PCDHA9: variants seen among roughly 807,000 people sequenced by gnomAD.
The protein encoded by PCDHA9 is protocadherin alpha-9.
Under a neutral mutation model 62.0 loss-of-function variants are expected in PCDHA9, and 62 were observed. The ratio of observed to expected loss-of-function variants is 1.00; its 90% CI spans 0.81 to 1.23. The LOEUF is 1.23. Among genes scored for constraint, PCDHA9 ranks in the 50% most tolerant of loss-of-function variants. The pLI is 0.00. For synonymous variants in PCDHA9, 557 were observed against 567.6 expected, an observed-to-expected ratio of 0.98 and a Z score of 0.27; for missense variants, 1,205 against 1,249.8, an observed-to-expected ratio of 0.96 and a Z score of 0.54.
chr5:140,874,018 G>A (rs1033387450), intron 1 of PCDHA9, among the ~76,000 whole-genome samples: 2 of 152,114 alleles, frequency 1.3e-5, no homozygotes, highest in Admixed American at 1.3e-4. Context: ...TTTTGAAAAT[G>A]AAAAATAGGA....
chr5:140,879,101 A>G (rs2153365508), intron 1 of PCDHA9, among the ~76,000 whole-genome samples: 1 of 152,330 alleles, frequency 6.6e-6, no homozygotes, highest in East Asian at 1.9e-4. Context: ...TGCACAGTAT[A>G]TGGTGTAATT....
chr5:140,942,796 G>C (rs2093370095), intron 1 of PCDHA9, among the ~76,000 whole-genome samples: 1 of 152,002 alleles, frequency 6.6e-6, no homozygotes, highest in Non-Finnish European at 1.5e-5. Flanking sequence ...ACAAAGGCAT[G>C]TTTTCCACAA....
Position 140,848,677 on chromosome 5 carries a change from C to T in PCDHA9, c.182C>T (p.Pro61Leu). 1 of 1,592,256 alleles carries T rather than the reference C, an allele frequency of 6.3e-7. No individual in the cohort carries two copies. Among genetic ancestry groups the T allele is most frequent in the Non-Finnish European group, 8.6e-7 (1 of 1,163,352 alleles). The change falls in exon 1 of 4, where the codon CCG becomes CTG. Residue 61 changes from proline (P) to leucine (L), a missense_variant. Around this residue, in one of 3 missense-constraint regions of PCDHA9, gnomAD observed 208 missense variants for 213.2 expected, o/e 0.98. Transcript: ENST00000532602. ...DLGLELAELV[P>L]RLFQLDSKGR... ...GGGCTGGAGCTGGCGGAGCTGGTGC[C>T]GCGCCTGTTCCAGTTGGATTCCAAA... is the stretch of plus-strand genomic sequence containing the variant.
rs2150419460 is a variant in PCDHA9 at position 140,848,757 on chromosome 5, T to C, written c.262T>C (p.Ser88Pro). 2.5e-6 allele frequency: 4 copies of C among 1,593,378 alleles called. No individual in the cohort carries two copies. In the South Asian group the frequency reaches 4.4e-5, roughly 18 times the overall value. ...NLQNGILFVN[S>P]RIDREELCGR... Reference sequence around the variant, plus strand: ...GCAGAATGGCATTTTGTTTGTGAATTCTCGGATCGACCGCGAGGAGCTGTG... The same window carrying C: ...GCAGAATGGCATTTTGTTTGTGAATCCTCGGATCGACCGCGAGGAGCTGTG... Residue 88 changes from serine (S) to proline (P), a missense_variant, in exon 1 of 4, where the codon TCT becomes CCT. Ser to Pro is a moderately conservative substitution (Grantham distance 74). Transcript: ENST00000532602.
intron 1 of PCDHA9, among the ~76,000 whole-genome samples, chr5:140,946,661 G>C (rs2094005923): frequency 7.6e-6 from 1 of 132,422 alleles, no homozygotes; most frequent in Non-Finnish European, 1.6e-5. Flanking sequence ...CCATTAGAAA[G>C]AATGAAATCC....
chr5:140,981,670 C>T (rs1389601276), intron 2 of PCDHA9, among the ~76,000 whole-genome samples: 8 of 152,070 alleles, frequency 5.3e-5, no homozygotes, highest in Non-Finnish European at 1.0e-4. Context: ...TCCTTCCTTT[C>T]TTCCTTCCTC....
At chr5:140,908,019 G>A (rs1031093375) in intron 1 of PCDHA9, among the ~76,000 whole-genome samples, 1 of 152,122 alleles carries the variant, frequency 6.6e-6, no homozygotes, top group Non-Finnish European at 1.5e-5. Context: ...ACTGGCTACA[G>A]CCCATTAATC....
intron 1 of PCDHA9, among the ~76,000 whole-genome samples, chr5:140,900,556 C>T (rs757442954): frequency 4.6e-5 from 7 of 152,168 alleles, no homozygotes; most frequent in Non-Finnish European, 5.9e-5. Flanking sequence ...GGATTACAGG[C>T]GTGAGCCACG....
At chr5:140,868,806 G>C (rs374832846) in intron 1 of PCDHA9, 8 of 356,954 alleles carry the variant, frequency 2.2e-5, no homozygotes, top group Non-Finnish European at 4.0e-5. Flanking sequence ...AAATAAGCAC[G>C]TTGGAAATAT....
chr5:140,849,258 G>A lies in PCDHA9; in HGVS notation c.763G>A (p.Val255Ile), dbSNP rs2150433835. 190 of 1,110,896 alleles carry A rather than the reference G, an allele frequency of 1.7e-4. 6 individuals carry two copies. Among genetic ancestry groups the A allele is most frequent in the Admixed American group, 3.3e-4 (12 of 36,734 alleles). 68.8% of individuals were successfully genotyped at this position (1,110,896 alleles called of 1,614,324 possible). A position where few individuals can be genotyped will look rare whatever the true frequency, so the allele number is the denominator to read the frequency against. Reference sequence around the variant, plus strand: ...GTATACGGTGAAATTACCAGAAAACGTTTCTATCGGAACGCTGGTGATTCA... The same window carrying A: ...GTATACGGTGAAATTACCAGAAAACATTTCTATCGGAACGCTGGTGATTCA... ...TLYTVKLPEN[V>I]SIGTLVIHPN... The change falls in exon 1 of 4, where the codon GTT becomes ATT. Residue 255 changes from valine to isoleucine, a missense_variant. Physicochemically the swap from Val to Ile is conservative, Grantham distance 29. Transcript: ENST00000532602.
intron 3 of PCDHA9, among the ~76,000 whole-genome samples, chr5:140,996,441 C>G (rs2097726719): frequency 6.6e-6 from 1 of 152,146 alleles, no homozygotes; most frequent in Non-Finnish European, 1.5e-5. Context: ...TAGTCAGTGT[C>G]AAGTTGTGGT....
chr5:140,856,991 T>C, intron 1 of PCDHA9: 1 of 1,595,770 alleles, frequency 6.3e-7, no homozygotes, highest in Non-Finnish European at 8.6e-7. Flanking sequence ...CAGTAACACT[T>C]ATGAAATTCA....
chr5:140,972,499 G>A (rs1398741603), intron 1 of PCDHA9, among the ~76,000 whole-genome samples: 3 of 151,888 alleles, frequency 2.0e-5, no homozygotes, highest in South Asian at 4.2e-4. Flanking sequence ...TAATCTGTTG[G>A]TAGATTTTAC....
At chr5:141,001,723 A>T (rs936645287) in intron 3 of PCDHA9, among the ~76,000 whole-genome samples, 1 of 152,168 alleles carries the variant, frequency 6.6e-6, no homozygotes, top group Non-Finnish European at 1.5e-5. Flanking sequence ...GGAGCTTGAG[A>T]TATTTTACAA....
At chr5:140,913,166 G>C (rs1357125827) in intron 1 of PCDHA9, among the ~76,000 whole-genome samples, 2 of 152,160 alleles carry the variant, frequency 1.3e-5, no homozygotes, top group African/African-American at 4.8e-5. Flanking sequence ...ATTGGTATTA[G>C]TTCTTCTTTA....
intron 1 of PCDHA9, chr5:140,856,228 G>A: frequency 6.3e-7 from 1 of 1,598,094 alleles, no homozygotes; most frequent in Middle Eastern, 1.7e-4. Context: ...AGCTGGTGCA[G>A]CGCCTGTTCC....
intron 3 of PCDHA9, among the ~76,000 whole-genome samples, chr5:140,995,529 C>T (rs1191657600): frequency 6.6e-6 from 1 of 152,078 alleles, no homozygotes. Context: ...GAAATCAAAC[C>T]TCAAATAAGG....
intron 1 of PCDHA9, chr5:140,876,650 T>C (rs782068706): frequency 3.1e-6 from 5 of 1,614,162 alleles, no homozygotes; most frequent in South Asian, 2.2e-5. Context: ...ACACCTCATG[T>C]TCCCTTCAAG....
Position 140,870,153 on chromosome 5 carries a change from C to T in PCDHA9, c.2394+19264C>T, listed in dbSNP as rs537593818. 3.1e-6 allele frequency: 5 copies of T among 1,613,972 alleles called. No individual in the cohort carries two copies. The East Asian group carries it at 8.9e-5, about 29-fold the overall frequency. On this transcript the variant is annotated intron_variant, in intron 1 of 3. Transcript: ENST00000532602. ...CCAACGATAACTCTCCTGAAGTCGC[C>T]GTGACTTCCTTGTCCCTCCCAGTAC...
Sources: gnomAD v4.1 joint callset for allele counts (sites outside exome capture counted in the v4.1 genomes callset) on GRCh38, gnomAD v4.1.1 for gene constraint, gnomAD v4.1.1 regional missense constraint, MANE v1.5 for transcripts, NCBI Gene and HGNC (gene_info 2026-07-23, HGNC 2026-07-21) for gene names.